PHF24: variants seen among roughly 807,000 people sequenced by gnomAD.
PHF24 encodes the protein Galpha inhibitory interacting protein.
PHF24 carries 25 observed loss-of-function variants against 42.6 expected under a neutral mutation model. The ratio of observed to expected loss-of-function variants is 0.59; its 90% CI spans 0.43 to 0.82. The LOEUF (loss-of-function observed/expected upper bound fraction) is 0.82, where lower values mean the gene tolerates loss of function less well. PHF24 is among the 40% of genes least tolerant of loss of function. The probability of loss-of-function intolerance (pLI) is 0.00; values close to 1 mark genes in which losing one functional copy is unlikely to be tolerated. For missense variants in PHF24, 470 were observed against 538.1 expected (o/e 0.87, Z 1.25); for synonymous variants, 185 against 204.8 (o/e 0.90, Z 0.83).
At chr9:34,964,716 T>C (rs1826708485) in intron 1 of PHF24, among the ~76,000 whole-genome samples, 2 of 152,224 alleles carry the variant, frequency 1.3e-5, no homozygotes, top group South Asian at 4.1e-4. Flanking sequence ...TCTTACTGCC[T>C]GACAAACACA....
At chr9:34,766,426 C>G in the PHF24 span, among the ~76,000 whole-genome samples, 6 of 152,170 alleles carry the variant, frequency 3.9e-5, no homozygotes, top group African/African-American at 1.2e-4. Flanking sequence ...CTCTAAACTT[C>G]CCTTCTCGCT....
chr9:34,847,003 C>G, the PHF24 span, among the ~76,000 whole-genome samples: 1 of 152,112 alleles, frequency 6.6e-6, no homozygotes, highest in African/African-American at 2.4e-5. Flanking sequence ...CCTACTGTAG[C>G]CTTGTAGTAT....
Position 34,972,516 on chromosome 9 carries a change from G to A in PHF24, c.549G>A (p.Trp183Ter), listed in dbSNP as rs773854766. The change falls in exon 3 of 8, where the codon TGG becomes TGA. Residue 183 changes from tryptophan (W) to a stop codon, truncating the protein, a stop_gained. Transcript: ENST00000242315. LOFTEE classifies it high-confidence loss of function. ...AGATGGCCCACACAGAAACAGGCTG[G>A]AGCTGCCACTACTGTGTAAGTCTGG... 2.5e-6 allele frequency: 4 copies of A among 1,611,030 alleles called. No homozygotes were observed. Among genetic ancestry groups the A allele is most frequent in the Non-Finnish European group, 3.4e-6 (4 of 1,178,640 alleles).
At chr9:34,823,777 C>T in the PHF24 span, among the ~76,000 whole-genome samples, 1 of 152,124 alleles carries the variant, frequency 6.6e-6, no homozygotes, top group South Asian at 2.1e-4. Flanking sequence ...AACCTGGAAG[C>T]TTGAGAGGGA....
At chr9:34,705,246 C>A in the PHF24 span, among the ~76,000 whole-genome samples, 1 of 151,822 alleles carries the variant, frequency 6.6e-6, no homozygotes, top group African/African-American at 2.4e-5. Context: ...CAGCAGTAGG[C>A]TTTTGGAAAG....
chr9:34,832,305 T>C, the PHF24 span: 74 of 608,144 alleles, frequency 1.2e-4, no homozygotes, highest in African/African-American at 1.3e-3. Flanking sequence ...CTAGGGTGGG[T>C]GCCCTGGTTG....
At chr9:34,923,053 T>G in the PHF24 span, 170,320 of 421,146 alleles carry the variant, frequency 0.4, 21,496 homozygotes, top group Admixed American at 0.45. Flanking sequence ...GTTTTTGTTT[T>G]TTTTTTTTTT....
At chr9:34,775,346 A>G in the PHF24 span, among the ~76,000 whole-genome samples, 14 of 152,334 alleles carry the variant, frequency 9.2e-5, no homozygotes. Context: ...AGCCAAATTC[A>G]TAGAGACAGA....
At chr9:34,687,732 C>G in the PHF24 span, among the ~76,000 whole-genome samples, 1 of 152,228 alleles carries the variant, frequency 6.6e-6, no homozygotes, top group Non-Finnish European at 1.5e-5. Flanking sequence ...CTAAATGTCA[C>G]TGGCACTGAG....
the PHF24 span, among the ~76,000 whole-genome samples, chr9:34,836,797 T>C: frequency 6.6e-6 from 1 of 152,194 alleles, no homozygotes; most frequent in African/African-American, 2.4e-5. Context: ...CAGAGCTGAG[T>C]AGAACCCCAT....
At chr9:34,949,603 T>C in the PHF24 span, among the ~76,000 whole-genome samples, 5 of 152,190 alleles carry the variant, frequency 3.3e-5, no homozygotes, top group African/African-American at 1.2e-4. Flanking sequence ...CCAACCCAAA[T>C]GCCCATCAGT....
the PHF24 span, among the ~76,000 whole-genome samples, chr9:34,707,736 T>C: frequency 6.6e-6 from 1 of 152,118 alleles, no homozygotes; most frequent in Non-Finnish European, 1.5e-5. Flanking sequence ...CCTTTTTTTT[T>C]CTTTTCCTGA....
chr9:34,809,048 A>T, the PHF24 span, among the ~76,000 whole-genome samples: 4,687 of 57,970 alleles, frequency 0.081, 233 homozygotes, highest in African/African-American at 0.15. This position sits in a 1 kb window ranked among gnomAD's most constrained non-coding sequence, Gnocchi z 4.1. Context: ...AAAAAAAAAA[A>T]ATAATAAATA....
chr9:34,858,003 C>T, the PHF24 span, among the ~76,000 whole-genome samples: 1 of 134,670 alleles, frequency 7.4e-6, no homozygotes, highest in African/African-American at 2.8e-5. Context: ...ATTTGCTGAG[C>T]TTCCTTAAAA....
chr9:34,941,020 C>T, the PHF24 span, among the ~76,000 whole-genome samples: 1 of 152,126 alleles, frequency 6.6e-6, no homozygotes, highest in Non-Finnish European at 1.5e-5. Flanking sequence ...GAGACCAGGA[C>T]ACCTCCAATT....
the PHF24 span, among the ~76,000 whole-genome samples, chr9:34,719,492 G>A: frequency 6.6e-6 from 1 of 152,184 alleles, no homozygotes; most frequent in Non-Finnish European, 1.5e-5. Flanking sequence ...TGAATCATAG[G>A]CTCTGACCCT....
the PHF24 span, among the ~76,000 whole-genome samples, chr9:34,734,653 G>A: frequency 6.6e-6 from 1 of 152,126 alleles, no homozygotes; most frequent in Non-Finnish European, 1.5e-5. Context: ...ACCTTTGTAG[G>A]CCCCAGACCT....
the PHF24 span, among the ~76,000 whole-genome samples, chr9:34,673,946 G>T: frequency 6.6e-6 from 1 of 152,056 alleles, no homozygotes; most frequent in African/African-American, 2.4e-5. Context: ...TGTAGAGACA[G>T]AATTTCCCCA....
chr9:34,935,744 GGTGT>G, the PHF24 span, among the ~76,000 whole-genome samples: 2 of 150,064 alleles, frequency 1.3e-5, no homozygotes, highest in Admixed American at 6.6e-5. Flanking sequence ...GTGGGGGGGG[GGTGT>G]GTGTGTGTGT....
Sources: allele counts gnomAD v4.1 joint callset (sites outside exome capture counted in the v4.1 genomes callset), GRCh38; gene constraint gnomAD v4.1.1; non-coding constraint Gnocchi (gnomAD v3.1); transcripts MANE v1.5; gene names NCBI Gene and HGNC (gene_info 2026-07-23, HGNC 2026-07-21).